The following TAF4B variants were observed in gnomAD, a reference collection of about 807,000 sequenced individuals.
TAF4B encodes the protein transcription initiation factor TFIID subunit 4B.
Under a neutral mutation model 86.4 loss-of-function variants are expected in TAF4B, and 38 were observed. That is an observed-to-expected ratio of 0.44 (90% CI 0.34 to 0.58). TAF4B has a LOEUF of 0.58. TAF4B is among the 20% of genes least tolerant of loss of function. The pLI is 0.02. For synonymous variants in TAF4B, 388 were observed against 391.2 expected (o/e 0.99, Z 0.10); for missense variants, 988 against 1,027.6 (o/e 0.96, Z 0.53).
chr18:26,373,834 T>G (rs1598838121), intron 14 of TAF4B, among the ~76,000 whole-genome samples: 1 of 152,282 alleles, frequency 6.6e-6, no homozygotes, highest in East Asian at 1.9e-4. Context: ...AATGGCTAGG[T>G]CTCAGCTTGC....
At chr18:26,364,312 A>G (rs1219934376) in intron 14 of TAF4B, among the ~76,000 whole-genome samples, 1 of 152,164 alleles carries the variant, frequency 6.6e-6, no homozygotes, top group African/African-American at 2.4e-5. Flanking sequence ...GTTAAAATGT[A>G]CTATTTGGGA....
chr18:26,324,879 A>G (rs1598800833), intron 11 of TAF4B, among the ~76,000 whole-genome samples: 2 of 152,226 alleles, frequency 1.3e-5, no homozygotes, highest in Non-Finnish European at 1.5e-5. Flanking sequence ...TTTGTTTGTA[A>G]TAATCTTTAT....
At chr18:26,252,854 T>C in intron 1 of TAF4B, among the ~76,000 whole-genome samples, 1 of 151,312 alleles carries the variant, frequency 6.6e-6, no homozygotes. Context: ...TATTAGTTAT[T>C]GTTGCCAGTA....
chr18:26,346,783 ATATATATATATATATGTG>A (rs2057187773), intron 13 of TAF4B, among the ~76,000 whole-genome samples: 1 of 18,710 alleles, frequency 5.3e-5, no homozygotes, highest in Non-Finnish European at 1.4e-4. Flanking sequence ...ATGTGTGTGT[ATATATATATATATATGTG>A]TATATATATA....
chr18:26,249,357 C>T lies in TAF4B; in HGVS notation c.344-15813C>T, dbSNP rs575234088. Among the ~76,000 whole-genome samples, 15 of 151,994 alleles carry T rather than the reference C, an allele frequency of 9.9e-5. No individual in the cohort carries two copies. In the South Asian group the frequency reaches 2.9e-3, roughly 29 times the overall value. ...TTAGCCAGGGTATTGTGGTACATGC[C>T]TGTAGTGTGAGCTACTTGGGAGGAG... On this transcript the variant is annotated intron_variant, in intron 1 of 14. Coordinates refer to ENST00000269142, the MANE Select transcript of TAF4B (RefSeq NM_005640.3).
intron 14 of TAF4B, among the ~76,000 whole-genome samples, chr18:26,366,000 A>T (rs1428865764): frequency 6.6e-6 from 1 of 152,166 alleles, no homozygotes; most frequent in Non-Finnish European, 1.5e-5. Context: ...CATGTTACCC[A>T]GATTGGTCTC....
At chr18:26,349,909 T>A (rs1489273565) in intron 13 of TAF4B, among the ~76,000 whole-genome samples, 4 of 152,048 alleles carry the variant, frequency 2.6e-5, no homozygotes, top group African/African-American at 4.8e-5. Context: ...TTAATCAAGG[T>A]GTCTACAGCC....
intron 13 of TAF4B, among the ~76,000 whole-genome samples, chr18:26,354,453 T>C (rs1300166062): frequency 6.6e-6 from 1 of 152,240 alleles, no homozygotes; most frequent in African/African-American, 2.4e-5. Context: ...CCATAGAGGC[T>C]GGAAGATGGG....
Position 26,389,984 on chromosome 18 carries a change from G to A in TAF4B, c.2561G>A (p.Arg854Gln), listed in dbSNP as rs757531510. Residue 854 changes from arginine (R) to glutamine (Q), a missense_variant, in exon 15 of 15, where the codon CGA (arginine) becomes CAA (glutamine). Physicochemically the swap from Arg to Gln is conservative, Grantham distance 43. Around this residue, in one of 3 missense-constraint regions of TAF4B, gnomAD observed 216 missense variants for 238.4 expected, o/e 0.91. Transcript: ENST00000269142. ...MEQEREMKYS[R>Q]ALYLALLK ...CAGGAACGGGAGATGAAGTATTCTCGAGCTCTATACCTGGCCCTTCTGAAG... is the reference window on the plus strand; with the variant it reads ...CAGGAACGGGAGATGAAGTATTCTCAAGCTCTATACCTGGCCCTTCTGAAG... 3.7e-5 allele frequency: 60 copies of A among 1,614,006 alleles called. No homozygotes were observed. In the South Asian group the frequency reaches 4.5e-4, roughly 12 times the overall value.
intron 2 of TAF4B, among the ~76,000 whole-genome samples, chr18:26,265,718 T>G (rs2056230692): frequency 6.6e-6 from 1 of 152,112 alleles, no homozygotes; most frequent in Non-Finnish European, 1.5e-5. Flanking sequence ...CATACCACCA[T>G]GCCCGACTAA....
At chr18:26,251,685 C>T (rs1530599) in intron 1 of TAF4B, among the ~76,000 whole-genome samples, 123,291 of 152,160 alleles carry the variant, frequency 0.81, 50,810 homozygotes, top group East Asian at 1. Flanking sequence ...GTCTCAGATA[C>T]TTATCAGGAT....
At chr18:26,338,977 G>A (rs937120759) in intron 13 of TAF4B, among the ~76,000 whole-genome samples, 4 of 152,098 alleles carry the variant, frequency 2.6e-5, no homozygotes, top group Non-Finnish European at 5.9e-5. Flanking sequence ...CTTTGGGTTG[G>A]CCTCCAGCCT....
intron 9 of TAF4B, among the ~76,000 whole-genome samples, chr18:26,308,587 A>G (rs1312753417): frequency 6.6e-6 from 1 of 152,116 alleles, no homozygotes; most frequent in African/African-American, 2.4e-5. Flanking sequence ...AAGAAATTAA[A>G]TTAGGCCAGG....
intron 1 of TAF4B, among the ~76,000 whole-genome samples, chr18:26,262,915 T>G (rs934282204): frequency 6.6e-6 from 1 of 152,244 alleles, no homozygotes; most frequent in South Asian, 2.1e-4. Context: ...AATATTTTTG[T>G]CTGTGCCTCC....
intron 13 of TAF4B, among the ~76,000 whole-genome samples, chr18:26,345,295 C>G (rs2057167897): frequency 6.6e-6 from 1 of 152,176 alleles, no homozygotes; most frequent in African/African-American, 2.4e-5. Context: ...CCTCACCAGA[C>G]ATGTCTTTAG....
Position 26,226,912 on chromosome 18 carries a change from G to T in TAF4B, c.-22G>T. On this transcript the variant is annotated 5_prime_UTR_variant, in exon 1 of 15. Coordinates refer to ENST00000269142, the MANE Select transcript of TAF4B (RefSeq NM_005640.3). The stretch of plus-strand genomic sequence containing the variant: ...CTGCTCCCGGAACCGCAGCGCCAAA[G>T]CTGCCGCTGAGCCCCTGGGGGATGC... The T allele has an allele frequency of 7.4e-7, 1 of 1,349,906 alleles. No individual in the cohort carries two copies. 83.6% of individuals were successfully genotyped at this position (1,349,906 alleles called of 1,614,324 possible).
At chr18:26,254,322 A>G (rs2056050000) in intron 1 of TAF4B, among the ~76,000 whole-genome samples, 1 of 152,108 alleles carries the variant, frequency 6.6e-6, no homozygotes, top group Non-Finnish European at 1.5e-5. Context: ...CCAAAGAACA[A>G]TCTTTTGGTT....
At position 26,250,107 on chromosome 18, in the gene TAF4B, C is replaced by T. The variant is rs182889505; in HGVS notation, c.344-15063C>T. Among the ~76,000 whole-genome samples, 117 of 152,194 alleles carry T rather than the reference C, an allele frequency of 7.7e-4. 1 individual carries two copies. Among genetic ancestry groups the T allele is most frequent in the Middle Eastern group, 6.8e-3 (2 of 294 alleles). ...CTGAAGTGGAGTGGCTCGAACATGG[C>T]TCACTGCAGCCTCAAACTCCTGAGC... On this transcript the variant is annotated intron_variant, in intron 1 of 14. Coordinates refer to ENST00000269142, the MANE Select transcript of TAF4B (RefSeq NM_005640.3).
intron 14 of TAF4B, among the ~76,000 whole-genome samples, chr18:26,365,358 G>T: frequency 6.6e-6 from 1 of 152,128 alleles, no homozygotes; most frequent in Admixed American, 6.5e-5. Flanking sequence ...TGAAACTTCA[G>T]TTAGCAATAC....
Sources: gnomAD v4.1 joint callset for allele counts (sites outside exome capture counted in the v4.1 genomes callset) on GRCh38, gnomAD v4.1.1 for gene constraint, gnomAD v4.1.1 regional missense constraint, MANE v1.5 for transcripts, NCBI Gene and HGNC (gene_info 2026-07-23, HGNC 2026-07-21) for gene names.